Variants in VPS41 observed in about 807,000 individuals in gnomAD.
VPS41 encodes vacuolar protein sorting-associated protein 41 homolog.
In VPS41, 85 loss-of-function variants were observed where a neutral mutation model predicts 130.9. The observed-to-expected ratio is 0.65, with a 90% CI of 0.55 to 0.78. The LOEUF (loss-of-function observed/expected upper bound fraction) is 0.78, where lower values mean the gene tolerates loss of function less well. Among genes scored for constraint, VPS41 ranks in the 30% least tolerant of loss-of-function variants. The pLI is 0.00. For synonymous variants in VPS41, 335 were observed against 332.9 expected, an observed-to-expected ratio of 1.01 and a Z score of -0.07; for missense variants, 874 against 1,018.7, an observed-to-expected ratio of 0.86 and a Z score of 1.93.
intron 7 of VPS41, among the ~76,000 whole-genome samples, chr7:38,802,022 GGGCTCA>G (rs1354627861): frequency 1.5e-4 from 23 of 152,280 alleles, no homozygotes; most frequent in African/African-American, 5.5e-4. Context: ...CTTTTAGAAA[GGGCTCA>G]CTTCTATGGA....
At chr7:38,763,958 GA>G (rs1783974533) in intron 16 of VPS41, among the ~76,000 whole-genome samples, 1 of 152,106 alleles carries the variant, frequency 6.6e-6, no homozygotes, top group South Asian at 2.1e-4. Flanking sequence ...ATCATCTTTT[GA>G]AATTAGGAAA....
intron 23 of VPS41, among the ~76,000 whole-genome samples, chr7:38,744,617 T>C (rs1795950096): frequency 6.6e-6 from 1 of 152,180 alleles, no homozygotes; most frequent in Admixed American, 6.5e-5. Flanking sequence ...CACCAAAATA[T>C]TTCTTGGGGA....
At chr7:38,731,026 G>A (rs924709162) in intron 25 of VPS41, among the ~76,000 whole-genome samples, 2 of 152,210 alleles carry the variant, frequency 1.3e-5, no homozygotes, top group Non-Finnish European at 2.9e-5. Context: ...TCATTATTCA[G>A]AGGCAAACAG....
At position 38,724,098 on chromosome 7, in the gene VPS41, T is replaced by C. The variant is rs1343660583; in HGVS notation, c.*2148A>G. 6.6e-6 allele frequency: 1 copy of C among 152,246 alleles called. No homozygotes were observed. The highest frequency in any genetic ancestry group is 1.9e-4 in the East Asian group (1 of 5,202). 9.4% of individuals were successfully genotyped at this position (152,246 alleles called of 1,614,324 possible). On this transcript the variant is annotated 3_prime_UTR_variant, in exon 29 of 29. Transcript: ENST00000310301. ...AACGAACATATTTTATTATTTTCCT[T>C]TTAAATCAGTTACTTAAAAATGAAG...
chr7:38,798,459 A>G lies in VPS41; in HGVS notation c.451-1595T>C, dbSNP rs1477246621. 2.6e-5 allele frequency among the ~76,000 whole-genome samples: 4 copies of G among 151,938 alleles called. No homozygotes were observed. The East Asian group carries it at 5.8e-4, about 22-fold the overall frequency. On this transcript the variant is annotated intron_variant, in intron 7 of 28. Coordinates refer to ENST00000310301, the MANE Select transcript of VPS41 (RefSeq NM_014396.4). ...AGGCATGCACCACCATGTCTGGCTA[A>G]TTTTTGTACTTTTAGTAGAGACGGG... is the stretch of plus-strand genomic sequence containing the variant.
intron 4 of VPS41, among the ~76,000 whole-genome samples, chr7:38,844,600 A>G (rs1417636010): frequency 6.6e-6 from 1 of 152,268 alleles, no homozygotes; most frequent in Non-Finnish European, 1.5e-5. Context: ...TTGTTTGGAA[A>G]GAAAATAATT....
chr7:38,789,531 C>T (rs1372163833), intron 10 of VPS41, among the ~76,000 whole-genome samples: 2 of 152,046 alleles, frequency 1.3e-5, no homozygotes, highest in Non-Finnish European at 2.9e-5. Flanking sequence ...TGGGTAGGGG[C>T]CAACACAGAT....
intron 25 of VPS41, among the ~76,000 whole-genome samples, chr7:38,740,231 T>C (rs1221107124): frequency 6.6e-6 from 1 of 152,174 alleles, no homozygotes; most frequent in Non-Finnish European, 1.5e-5. Flanking sequence ...TCATCAAATG[T>C]GGATTTGAAA....
intron 25 of VPS41, among the ~76,000 whole-genome samples, chr7:38,734,617 C>T (rs10239228): frequency 0.99 from 151,243 of 152,338 alleles, 75,083 homozygotes; most frequent in African/African-American, 1. Context: ...ACCAGACCCA[C>T]AGAGATTTTA....
chr7:38,735,574 T>C (rs1795747331), intron 25 of VPS41, among the ~76,000 whole-genome samples: 1 of 151,960 alleles, frequency 6.6e-6, no homozygotes. Flanking sequence ...AAAATGGAAG[T>C]GTTAAGGCAT....
At chr7:38,909,081 A>C (rs1787330310) in intron 1 of VPS41, 73 bp downstream of exon 1, 2 of 1,533,550 alleles carry the variant, frequency 1.3e-6, no homozygotes, top group South Asian at 1.1e-5. Context: ...CACCCACTCC[A>C]CTCCACCCTC....
At chr7:38,858,839 T>C (rs1429654056) in intron 4 of VPS41, among the ~76,000 whole-genome samples, 1 of 152,218 alleles carries the variant, frequency 6.6e-6, no homozygotes, top group African/African-American at 2.4e-5. Context: ...TACTATACTA[T>C]ATTTCTTATT....
At chr7:38,810,274 T>A (rs1362579065) in intron 7 of VPS41, among the ~76,000 whole-genome samples, 2 of 152,162 alleles carry the variant, frequency 1.3e-5, no homozygotes, top group African/African-American at 4.8e-5. Flanking sequence ...CTAGTCCTAG[T>A]CCCTGGTGGA....
intron 10 of VPS41, among the ~76,000 whole-genome samples, chr7:38,783,544 A>C (rs1252030076): frequency 1.3e-5 from 2 of 152,052 alleles, no homozygotes; most frequent in Non-Finnish European, 2.9e-5. Flanking sequence ...AAAAAAAAAA[A>C]GAGATAATTA....
chr7:38,772,038 G>T (rs750232327), intron 13 of VPS41, among the ~76,000 whole-genome samples: 108 of 151,836 alleles, frequency 7.1e-4, no homozygotes, highest in Non-Finnish European at 1.3e-3. Flanking sequence ...TTGAAAAATG[G>T]TTTTTTTCTT....
chr7:38,857,915 G>T (rs1176121460), intron 4 of VPS41, among the ~76,000 whole-genome samples: 1 of 152,114 alleles, frequency 6.6e-6, no homozygotes, highest in Admixed American at 6.5e-5. Flanking sequence ...AAAGAGGGAT[G>T]GTTTACAGGT....
chr7:38,875,760 C>A (rs1212666358), intron 2 of VPS41, among the ~76,000 whole-genome samples: 1 of 152,166 alleles, frequency 6.6e-6, no homozygotes, highest in African/African-American at 2.4e-5. Flanking sequence ...TCCCAGCATG[C>A]CTTTCCATCA....
intron 25 of VPS41, among the ~76,000 whole-genome samples, chr7:38,733,071 G>A (rs34263795): frequency 0.032 from 4,867 of 152,174 alleles, 99 homozygotes; most frequent in South Asian, 0.052. Context: ...CAAGCCATCC[G>A]TTCACCTCAG....
chr7:38,845,834 T>C (rs181222066), intron 4 of VPS41, among the ~76,000 whole-genome samples: 92 of 152,326 alleles, frequency 6.0e-4, no homozygotes, highest in African/African-American at 2.1e-3. Flanking sequence ...TGGAATACCA[T>C]TGTTAAAGAG....
Sources: allele counts gnomAD v4.1 joint callset (sites outside exome capture counted in the v4.1 genomes callset), GRCh38; gene constraint gnomAD v4.1.1; transcripts MANE v1.5; gene names NCBI Gene and HGNC (gene_info 2026-07-23, HGNC 2026-07-21).